PKIB: variants seen among roughly 807,000 people sequenced by gnomAD.
The protein encoded by PKIB is PKI-beta.
In PKIB, 2 loss-of-function variants were observed where a neutral mutation model predicts 4.5. That is an observed-to-expected ratio of 0.44 (90% CI 0.18 to 1.39). PKIB has a LOEUF of 1.39. Ranked by LOEUF, PKIB falls within the 40% of genes most tolerant of loss-of-function variation. PKIB has a pLI of 0.27. For missense variants in PKIB, 94 were observed against 92.6 expected, an observed-to-expected ratio of 1.02 and a Z score of -0.06; for synonymous variants, 38 against 36.0, an observed-to-expected ratio of 1.06 and a Z score of -0.20.
chr6:122,479,046 A>T (rs1294316718), intron 2 of PKIB: 1 of 152,000 alleles, frequency 6.6e-6, no homozygotes, highest in African/African-American at 2.4e-5. Flanking sequence ...GTGATGCCCC[A>T]CCCTGCTTCT....
At position 122,703,510 on chromosome 6, in the gene PKIB, A is replaced by T. The variant is rs112085102; in HGVS notation, c.-8-14277A>T. ...TATGAGAAAACATATGTAAGTATAA[A>T]TGACTAAGTAATAAGATACTGTAAT... is the stretch of plus-strand genomic sequence containing the variant. On this transcript the variant is annotated intron_variant, in intron 3 of 4. Coordinates refer to ENST00000368452, the MANE Select transcript of PKIB (RefSeq NM_181795.3). Among the ~76,000 whole-genome samples the T allele has an allele frequency of 4.4e-3, 673 of 152,212 alleles. 5 individuals carry two copies. Among genetic ancestry groups the T allele is most frequent in the African/African-American group, 0.014 (590 of 41,572 alleles).
At chr6:122,672,710 T>C (rs1200727472) in intron 2 of PKIB, among the ~76,000 whole-genome samples, 1 of 151,734 alleles carries the variant, frequency 6.6e-6, no homozygotes, top group East Asian at 1.9e-4. Context: ...TGTCTGTTAA[T>C]GTATTTAACA....
chr6:122,639,573 T>C (rs1210329666), intron 2 of PKIB, among the ~76,000 whole-genome samples: 3 of 152,094 alleles, frequency 2.0e-5, no homozygotes, highest in Non-Finnish European at 2.9e-5. Flanking sequence ...TAGAGAAAAA[T>C]TGACTAGAGG....
chr6:122,497,195 C>G (rs1454636853), intron 2 of PKIB, among the ~76,000 whole-genome samples: 1 of 152,170 alleles, frequency 6.6e-6, no homozygotes, highest in African/African-American at 2.4e-5. Context: ...TTTGTTACCT[C>G]TAGACCAGCC....
chr6:122,590,605 C>A (rs1262553536), intron 3 of PKIB, among the ~76,000 whole-genome samples: 1 of 152,158 alleles, frequency 6.6e-6, no homozygotes, highest in Non-Finnish European at 1.5e-5. Flanking sequence ...TATTAGTGTT[C>A]TGCAAAACAA....
intron 2 of PKIB, among the ~76,000 whole-genome samples, chr6:122,522,892 G>C (rs774436380): frequency 1.2e-4 from 19 of 152,152 alleles, no homozygotes; most frequent in Non-Finnish European, 2.2e-4. Flanking sequence ...TTATATTATA[G>C]AATCATGTCA....
intron 3 of PKIB, among the ~76,000 whole-genome samples, chr6:122,602,269 G>A (rs1489080984): frequency 6.6e-6 from 1 of 152,166 alleles, no homozygotes; most frequent in Non-Finnish European, 1.5e-5. Flanking sequence ...AATAGGGCCA[G>A]TGTGGACTTA....
intron 2 of PKIB, among the ~76,000 whole-genome samples, chr6:122,535,810 A>T (rs1451226638): frequency 6.6e-6 from 1 of 152,244 alleles, no homozygotes; most frequent in African/African-American, 2.4e-5. Context: ...TCATGACATC[A>T]GTCGGGTTTG....
chr6:122,509,630 A>G (rs950624263), intron 2 of PKIB, among the ~76,000 whole-genome samples: 1 of 151,914 alleles, frequency 6.6e-6, no homozygotes, highest in African/African-American at 2.4e-5. Context: ...ACAGGGCTTC[A>G]CCATGTTAGC....
chr6:122,685,889 A>G (rs1014125831), intron 3 of PKIB, among the ~76,000 whole-genome samples: 12 of 152,160 alleles, frequency 7.9e-5, no homozygotes, highest in African/African-American at 2.7e-4. Context: ...GCTCCCACAA[A>G]TAACTGAGAA....
Position 122,610,441 on chromosome 6 carries a change from A to C in PKIB, c.-255A>C, listed in dbSNP as rs941052320. 13 of 152,272 alleles carry C rather than the reference A, an allele frequency of 8.5e-5. No individual in the cohort carries two copies. Among genetic ancestry groups the C allele is most frequent in the African/African-American group, 3.1e-4 (13 of 41,472 alleles). The allele number at this position is 152,272 out of a possible 1,614,324, so 9.4% of individuals were successfully genotyped here. ...CATCCCGGTGGACTGTAGAGGCGGC[A>C]GCGAGCTAGAGCCCGAGTCGCAGCT... On this transcript the variant is annotated 5_prime_UTR_variant, in exon 1 of 5. Transcript: ENST00000368452.
chr6:122,517,907 CT>C (rs1442907614), intron 2 of PKIB, among the ~76,000 whole-genome samples: 1 of 152,114 alleles, frequency 6.6e-6, no homozygotes, highest in Non-Finnish European at 1.5e-5. Flanking sequence ...ATAGGTGATT[CT>C]GATGTTAGTT....
chr6:122,555,735 T>G (rs1168131289), intron 2 of PKIB, among the ~76,000 whole-genome samples: 3 of 152,230 alleles, frequency 2.0e-5, no homozygotes, highest in Non-Finnish European at 4.4e-5. Context: ...AGTGTTCTGC[T>G]TTCTTTCAAA....
chr6:122,615,919 G>T (rs779449844), intron 1 of PKIB, among the ~76,000 whole-genome samples: 7 of 152,190 alleles, frequency 4.6e-5, no homozygotes, highest in Non-Finnish European at 1.0e-4. Flanking sequence ...TCTGAACTGT[G>T]TGAAAATAAA....
intron 2 of PKIB, among the ~76,000 whole-genome samples, chr6:122,562,001 T>TG (rs1207457592): frequency 3.8e-5 from 5 of 131,532 alleles, no homozygotes; most frequent in African/African-American, 1.7e-4. Context: ...TTTGTTTTTT[T>TG]TTGTTTTTTT....
chr6:122,485,187 G>C (rs565990867), intron 2 of PKIB, among the ~76,000 whole-genome samples: 37 of 151,272 alleles, frequency 2.4e-4, no homozygotes, highest in Non-Finnish European at 4.3e-4. Flanking sequence ...TTCAGCTGAA[G>C]TTTTTCTTTC....
At chr6:122,542,658 G>A (rs772434576) in intron 2 of PKIB, among the ~76,000 whole-genome samples, 161 of 152,092 alleles carry the variant, frequency 1.1e-3, no homozygotes, top group Non-Finnish European at 1.7e-3. Flanking sequence ...AGGCTGCTCG[G>A]GGGTCAAGGA....
At chr6:122,489,040 A>T (rs1775859361) in intron 2 of PKIB, among the ~76,000 whole-genome samples, 1 of 152,024 alleles carries the variant, frequency 6.6e-6, no homozygotes, top group African/African-American at 2.4e-5. Context: ...TCCTGTATAT[A>T]ATCAAACTCC....
At position 122,591,220 on chromosome 6, in the gene PKIB, C is replaced by CA. The variant is rs1554222348; in HGVS notation, c.-161+5213_-161+5214insA. Reference sequence around the variant, plus strand: ...GACACACACACACACACACACACACCCCCCACATACACACACGTTTTCCCA... The same window carrying CA: ...GACACACACACACACACACACACACCACCCCACATACACACACGTTTTCCCA... On this transcript the variant is annotated intron_variant, in intron 3 of 6. Transcript: ENST00000392491. Among the ~76,000 whole-genome samples, 985 of 142,768 alleles carry CA rather than the reference C, an allele frequency of 6.9e-3. 13 individuals carry two copies. Among genetic ancestry groups the CA allele is most frequent in the East Asian group, 0.045 (217 of 4,856 alleles). The allele number at this position is 142,768 out of a possible 152,430, so 93.7% of individuals were successfully genotyped here. A position where few individuals can be genotyped will look rare whatever the true frequency, so the allele number is the denominator to read the frequency against.
Sources: gnomAD v4.1 joint callset for allele counts (sites outside exome capture counted in the v4.1 genomes callset) on GRCh38, gnomAD v4.1.1 for gene constraint, MANE v1.5 for transcripts, NCBI Gene and HGNC (gene_info 2026-07-23, HGNC 2026-07-21) for gene names.